RTN1: variants seen among roughly 807,000 people sequenced by gnomAD.
RTN1 encodes the protein reticulon-1.
In RTN1, 25 loss-of-function variants were observed where a neutral mutation model predicts 65.5. That is an observed-to-expected ratio of 0.38 (90% CI 0.28 to 0.53). The LOEUF (loss-of-function observed/expected upper bound fraction) is 0.53. Ranked by LOEUF, RTN1 falls within the 20% of genes least tolerant of loss-of-function variation. The pLI is 0.79. For synonymous variants in RTN1, 471 were observed against 447.6 expected (o/e 1.05, Z -0.66); for missense variants, 983 against 1,025.4 (o/e 0.96, Z 0.57).
At chr14:59,704,274 C>T (rs1004078178) in intron 3 of RTN1, among the ~76,000 whole-genome samples, 7 of 152,244 alleles carry the variant, frequency 4.6e-5, no homozygotes, top group Admixed American at 3.9e-4. Flanking sequence ...GCCCCCTCAC[C>T]GCCACGAATA....
At chr14:59,761,772 T>TA (rs1566718237) in intron 1 of RTN1, among the ~76,000 whole-genome samples, 1 of 152,050 alleles carries the variant, frequency 6.6e-6, no homozygotes, top group East Asian at 1.9e-4. Context: ...CATGTCTTGG[T>TA]AAAAAAGAAA....
At chr14:59,723,534 G>A (rs368926982) in intron 3 of RTN1, among the ~76,000 whole-genome samples, 12 of 152,026 alleles carry the variant, frequency 7.9e-5, no homozygotes, top group Non-Finnish European at 1.6e-4. Flanking sequence ...GTAGAATGGC[G>A]TGAACCTGGG....
At chr14:59,702,243 T>C (rs1884195124) in intron 3 of RTN1, among the ~76,000 whole-genome samples, 1 of 152,220 alleles carries the variant, frequency 6.6e-6, no homozygotes, top group Non-Finnish European at 1.5e-5. Flanking sequence ...GGAAAGTCTG[T>C]GCAAGCAGGA....
rs1886828523 is a variant in RTN1, at chr14:59,816,785, T to C, written c.241+53605A>G. On this transcript the variant is annotated intron_variant, in intron 1 of 8. Transcript: ENST00000267484. This position sits in a 1 kb window ranked among gnomAD's most constrained non-coding sequence, Gnocchi z 4.3. Reference sequence around the variant, plus strand: ...CCCACCTCTACAAAAAATACAATATTAGCTGGGTGTGGTGGCATGTGCCTG... The same window carrying C: ...CCCACCTCTACAAAAAATACAATATCAGCTGGGTGTGGTGGCATGTGCCTG... 6.6e-6 allele frequency among the ~76,000 whole-genome samples: 1 copy of C among 152,036 alleles called. No individual in the cohort carries two copies. The highest frequency in any genetic ancestry group is 2.1e-4 in the South Asian group (1 of 4,806).
intron 3 of RTN1, among the ~76,000 whole-genome samples, chr14:59,712,123 A>C (rs1349347723): frequency 1.3e-5 from 2 of 152,208 alleles, no homozygotes; most frequent in Non-Finnish European, 2.9e-5. Context: ...AAGCCATTGA[A>C]ATTTTGAGGT....
chr14:59,706,850 G>T (rs908983509), intron 3 of RTN1, among the ~76,000 whole-genome samples: 3 of 152,220 alleles, frequency 2.0e-5, no homozygotes, highest in Non-Finnish European at 4.4e-5. Context: ...ACTTAGGATT[G>T]ACAGGATTTG....
At chr14:59,788,124 T>C (rs892322037) in intron 1 of RTN1, among the ~76,000 whole-genome samples, 3 of 152,234 alleles carry the variant, frequency 2.0e-5, no homozygotes, top group African/African-American at 4.8e-5. Flanking sequence ...TGGACTGCTG[T>C]CAGTGGAAAT....
chr14:59,756,699 T>C (rs767856664), intron 1 of RTN1, among the ~76,000 whole-genome samples: 8 of 152,204 alleles, frequency 5.3e-5, no homozygotes, highest in Non-Finnish European at 8.8e-5. Flanking sequence ...ATTCCCTCAA[T>C]GCTATGTATA....
chr14:59,785,988 T>C (rs1190470671), intron 1 of RTN1, among the ~76,000 whole-genome samples: 1 of 152,234 alleles, frequency 6.6e-6, no homozygotes, highest in African/African-American at 2.4e-5. Flanking sequence ...TCCAAGTCTC[T>C]GTGCTTTCTC....
intron 5 of RTN1, chr14:59,604,975 A>G (rs1293484607): frequency 1.3e-5 from 2 of 154,564 alleles, no homozygotes; most frequent in African/African-American, 4.8e-5. Flanking sequence ...GTTTCCTTCA[A>G]TGCAAAAGTA....
At chr14:59,708,478 T>C (rs752790068) in intron 3 of RTN1, among the ~76,000 whole-genome samples, 7 of 152,244 alleles carry the variant, frequency 4.6e-5, no homozygotes, top group Non-Finnish European at 1.0e-4. Context: ...TCATTTTCTC[T>C]CTTAACTCAC....
chr14:59,608,355 C>T (rs975265369), intron 3 of RTN1, among the ~76,000 whole-genome samples: 4 of 152,206 alleles, frequency 2.6e-5, no homozygotes, highest in Admixed American at 2.0e-4. Flanking sequence ...TACCTGCAGA[C>T]ACCTGGTTTA....
intron 2 of RTN1, among the ~76,000 whole-genome samples, chr14:59,745,355 GCTAA>G (rs1210459612): frequency 6.6e-6 from 1 of 152,150 alleles, no homozygotes; most frequent in Non-Finnish European, 1.5e-5. Context: ...CTAGCCGAAA[GCTAA>G]CTGAGAAGCA....
chr14:59,661,039 A>G (rs1950707737), intron 3 of RTN1, among the ~76,000 whole-genome samples: 2 of 152,062 alleles, frequency 1.3e-5, no homozygotes, highest in Non-Finnish European at 2.9e-5. Context: ...GACACAATAA[A>G]AAATGATAAA....
intron 1 of RTN1, among the ~76,000 whole-genome samples, chr14:59,802,041 T>C (rs1886556146): frequency 6.6e-6 from 1 of 152,222 alleles, no homozygotes; most frequent in Non-Finnish European, 1.5e-5. Flanking sequence ...TTCCATTTAA[T>C]GTGATAGAGG....
At chr14:59,864,503 G>A (rs766602169) in intron 1 of RTN1, among the ~76,000 whole-genome samples, 1 of 151,540 alleles carries the variant, frequency 6.6e-6, no homozygotes, top group Non-Finnish European at 1.5e-5. Context: ...TGATATAGAT[G>A]TTCTGGTCTC....
At chr14:59,600,905 T>C (rs1956374) in intron 8 of RTN1, among the ~76,000 whole-genome samples, 69,219 of 152,100 alleles carry the variant, frequency 0.46, 18,079 homozygotes, top group East Asian at 0.84. Context: ...AACCAGGCCA[T>C]GCCCTTGTCA....
chr14:59,663,103 A>G (rs1883287417), intron 3 of RTN1, among the ~76,000 whole-genome samples: 1 of 152,210 alleles, frequency 6.6e-6, no homozygotes, highest in Non-Finnish European at 1.5e-5. Context: ...AGAACTCAGA[A>G]ATAACACCGC....
chr14:59,791,132 C>T (rs1027805257), intron 1 of RTN1, among the ~76,000 whole-genome samples: 2 of 152,118 alleles, frequency 1.3e-5, no homozygotes, highest in Admixed American at 6.6e-5. Context: ...TTCCATAGCT[C>T]GTTTTCTTCC....
Sources: gnomAD v4.1 joint callset for allele counts (sites outside exome capture counted in the v4.1 genomes callset) on GRCh38, gnomAD v4.1.1 for gene constraint, Gnocchi (gnomAD v3.1) non-coding constraint, MANE v1.5 for transcripts, NCBI Gene and HGNC (gene_info 2026-07-23, HGNC 2026-07-21) for gene names.